Variants in RABGAP1L observed in about 807,000 individuals in gnomAD.
The protein encoded by RABGAP1L is rab GTPase-activating protein 1-like.
Under a neutral mutation model 137.7 loss-of-function variants are expected in RABGAP1L, and 63 were observed. The ratio of observed to expected loss-of-function variants is 0.46; its 90% confidence interval spans 0.37 to 0.56. RABGAP1L has a LOEUF of 0.56. Among genes scored for constraint, RABGAP1L ranks in the 20% least tolerant of loss-of-function variants. The probability of loss-of-function intolerance (pLI) is 0.00; values close to 1 mark genes in which losing one functional copy is unlikely to be tolerated. For missense variants in RABGAP1L, 1,095 were observed against 1,244.0 expected (o/e 0.88, Z 1.80); for synonymous variants, 431 against 433.7 (o/e 0.99, Z 0.08).
At chr1:174,391,318 T>C (rs1687192615) in intron 12 of RABGAP1L, among the ~76,000 whole-genome samples, 1 of 152,100 alleles carries the variant, frequency 6.6e-6, no homozygotes, top group African/African-American at 2.4e-5. Context: ...GAAAGGATTT[T>C]TTTCAATGTT....
At chr1:174,519,136 T>G (rs544784072) in intron 13 of RABGAP1L, among the ~76,000 whole-genome samples, 7 of 151,768 alleles carry the variant, frequency 4.6e-5, no homozygotes, top group Non-Finnish European at 8.8e-5. Context: ...ATATATAATA[T>G]ATATGTATAT....
chr1:174,409,413 C>T (rs374867872), intron 13 of RABGAP1L, among the ~76,000 whole-genome samples: 161 of 152,192 alleles, frequency 1.1e-3, no homozygotes, highest in African/African-American at 3.7e-3. Flanking sequence ...TACATCACTT[C>T]GGGAGCACTA....
At chr1:174,254,943 C>T (rs1490536991) in intron 7 of RABGAP1L, among the ~76,000 whole-genome samples, 2 of 152,162 alleles carry the variant, frequency 1.3e-5, no homozygotes. Context: ...AACTAATTTG[C>T]ACTCCTGCCA....
chr1:174,238,446 T>C (rs1389960471), intron 4 of RABGAP1L, among the ~76,000 whole-genome samples: 17 of 152,174 alleles, frequency 1.1e-4, no homozygotes, highest in South Asian at 2.1e-4. Flanking sequence ...GATGGGTTTT[T>C]GGTGTGGATG....
intron 14 of RABGAP1L, among the ~76,000 whole-genome samples, chr1:174,665,504 G>A (rs896300895): frequency 7.3e-6 from 1 of 136,270 alleles, no homozygotes; most frequent in Non-Finnish European, 1.5e-5. Flanking sequence ...TGCCCATGCT[G>A]GAGTGCAGTG....
intron 19 of RABGAP1L, among the ~76,000 whole-genome samples, chr1:174,910,529 T>A (rs1328065315): frequency 6.6e-6 from 1 of 152,116 alleles, no homozygotes; most frequent in Non-Finnish European, 1.5e-5. Flanking sequence ...ATACCACTTT[T>A]TTTCAACGTA....
chr1:174,723,381 T>G (rs960063484), intron 17 of RABGAP1L, among the ~76,000 whole-genome samples: 4 of 152,316 alleles, frequency 2.6e-5, no homozygotes, highest in Admixed American at 1.3e-4. Flanking sequence ...GTCCAAAATT[T>G]TTGTAAGTCA....
chr1:174,231,613 T>G (rs1462725992), intron 4 of RABGAP1L, among the ~76,000 whole-genome samples: 1 of 152,200 alleles, frequency 6.6e-6, no homozygotes, highest in Admixed American at 6.5e-5. Context: ...GGCTCTTGGT[T>G]CTGCAGGGTG....
intron 13 of RABGAP1L, among the ~76,000 whole-genome samples, chr1:174,443,284 G>A (rs1654360013): frequency 6.6e-6 from 1 of 151,930 alleles, no homozygotes; most frequent in Admixed American, 6.6e-5. Flanking sequence ...TTAAATTTTT[G>A]AGGAACTTCC....
At chr1:174,709,185 T>C (rs190706633) in intron 17 of RABGAP1L, among the ~76,000 whole-genome samples, 30 of 152,314 alleles carry the variant, frequency 2.0e-4, no homozygotes, top group Non-Finnish European at 4.0e-4. Context: ...CAGAGGCTTA[T>C]AGATAAAACT....
intron 18 of RABGAP1L, among the ~76,000 whole-genome samples, chr1:174,798,323 T>C (rs1234772226): frequency 6.6e-6 from 1 of 151,124 alleles, no homozygotes; most frequent in African/African-American, 2.4e-5. Flanking sequence ...AGGAGAATGA[T>C]GTGAACCCGG....
Position 174,504,156 on chromosome 1 carries a change from A to G in RABGAP1L, c.1710+110011A>G, listed in dbSNP as rs201063242. Among the ~76,000 whole-genome samples, 6 of 151,868 alleles carry G rather than the reference A, an allele frequency of 4.0e-5. No homozygotes were observed. In the East Asian group the frequency reaches 1.2e-3, roughly 29 times the overall value. The stretch of plus-strand genomic sequence containing the variant: ...CCTGGCTAATTTTTGTGTTTTTTGT[A>G]GAGTTAGGGTTTCGCCATGTTGCCC... On this transcript the variant is annotated intron_variant, in intron 13 of 25. Coordinates refer to ENST00000681986, the MANE Select transcript of RABGAP1L (RefSeq NM_001366446.1).
chr1:174,300,078 G>T (rs145433288), intron 10 of RABGAP1L, among the ~76,000 whole-genome samples: 3 of 152,200 alleles, frequency 2.0e-5, no homozygotes, highest in East Asian at 1.9e-4. Flanking sequence ...TAGAAATCCC[G>T]TATGATTTTT....
intron 18 of RABGAP1L, among the ~76,000 whole-genome samples, chr1:174,810,681 A>T (rs925809130): frequency 6.6e-6 from 1 of 152,160 alleles, no homozygotes; most frequent in Non-Finnish European, 1.5e-5. Context: ...CTGTGTACTC[A>T]TCTTCCTAAA....
chr1:174,536,414 G>A (rs1251698974), intron 13 of RABGAP1L, among the ~76,000 whole-genome samples: 1 of 152,074 alleles, frequency 6.6e-6, no homozygotes, highest in Non-Finnish European at 1.5e-5. Flanking sequence ...GAGGGAGAGA[G>A]AGGAGAGAAA....
At chr1:174,860,302 T>C (rs1650069289) in intron 19 of RABGAP1L, among the ~76,000 whole-genome samples, 1 of 152,062 alleles carries the variant, frequency 6.6e-6, no homozygotes, top group Non-Finnish European at 1.5e-5. Context: ...GGAAGGATAT[T>C]TTATTTATAT....
intron 13 of RABGAP1L, among the ~76,000 whole-genome samples, chr1:174,581,768 A>G (rs1668767575): frequency 6.6e-6 from 1 of 152,238 alleles, no homozygotes; most frequent in Admixed American, 6.5e-5. Context: ...GACAAAGCTC[A>G]GGTCCTGAAA....
At chr1:174,529,981 G>A (rs1196695943) in intron 13 of RABGAP1L, among the ~76,000 whole-genome samples, 1 of 152,098 alleles carries the variant, frequency 6.6e-6, no homozygotes, top group Non-Finnish European at 1.5e-5. Context: ...GGCCAGGTAG[G>A]CTTGTCCTTA....
chr1:174,848,931 T>G (rs1176531686), intron 19 of RABGAP1L, among the ~76,000 whole-genome samples: 1 of 151,088 alleles, frequency 6.6e-6, no homozygotes, highest in East Asian at 2.0e-4. Flanking sequence ...AGTCTCGTGG[T>G]GCGCCGTTTT....
Sources: allele counts gnomAD v4.1 joint callset (sites outside exome capture counted in the v4.1 genomes callset), GRCh38; gene constraint gnomAD v4.1.1; transcripts MANE v1.5; gene names NCBI Gene and HGNC (gene_info 2026-07-23, HGNC 2026-07-21).